Variants in STAG1 observed in about 807,000 individuals in gnomAD.
STAG1 encodes cohesin subunit SA-1.
In STAG1, 26 loss-of-function variants were observed where a neutral mutation model predicts 170.9. The ratio of observed to expected loss-of-function variants is 0.15; its 90% CI spans 0.11 to 0.21. The LOEUF (loss-of-function observed/expected upper bound fraction) is 0.21, where lower values mean the gene tolerates loss of function less well. STAG1 is among the 10% of genes least tolerant of loss of function. The pLI is 1.00. For missense variants in STAG1, 964 were observed against 1,509.5 expected (o/e 0.64, Z 5.99); for synonymous variants, 514 against 497.7 (o/e 1.03, Z -0.44).
chr3:136,550,094 C>CT (rs1232626234), intron 5 of STAG1, among the ~76,000 whole-genome samples: 3 of 151,740 alleles, frequency 2.0e-5, no homozygotes, highest in Non-Finnish European at 2.9e-5. Flanking sequence ...TTCGTGGTAT[C>CT]TTTTTTTTGT....
intron 4 of STAG1, among the ~76,000 whole-genome samples, chr3:136,569,584 GC>G (rs1365954404): frequency 1.3e-5 from 2 of 151,958 alleles, no homozygotes; most frequent in African/African-American, 2.4e-5. Flanking sequence ...TTTAGTTAAT[GC>G]AAAAGTTAGC....
At chr3:136,528,906 T>A (rs1070230) in intron 6 of STAG1, among the ~76,000 whole-genome samples, 1 of 151,608 alleles carries the variant, frequency 6.6e-6, no homozygotes, top group East Asian at 1.9e-4. Flanking sequence ...CTCCAGTCTG[T>A]GTGACAAAGC....
chr3:136,705,551 G>C (rs2107913234), intron 1 of STAG1, among the ~76,000 whole-genome samples: 1 of 152,180 alleles, frequency 6.6e-6, no homozygotes, highest in South Asian at 2.1e-4. Flanking sequence ...AGGAAAGATG[G>C]GAGGTAATTG....
intron 4 of STAG1, among the ~76,000 whole-genome samples, chr3:136,574,806 T>C (rs189733928): frequency 3.2e-4 from 49 of 152,268 alleles, no homozygotes; most frequent in African/African-American, 1.1e-3. Flanking sequence ...AAGATAGGGA[T>C]AAAATTACTA....
chr3:136,733,081 TAAC>T (rs373920551), intron 1 of STAG1, among the ~76,000 whole-genome samples: 12 of 147,646 alleles, frequency 8.1e-5, no homozygotes, highest in African/African-American at 2.8e-4. Context: ...GGTTAAAACC[TAAC>T]TTTTTTTTTT....
At chr3:136,751,572 A>C (rs1485986361) in intron 1 of STAG1, among the ~76,000 whole-genome samples, 1 of 152,074 alleles carries the variant, frequency 6.6e-6, no homozygotes, top group East Asian at 1.9e-4. Context: ...AAAGCCCAGC[A>C]TTGATGCATC....
At chr3:136,446,222 A>G (rs2088773072) in intron 14 of STAG1, among the ~76,000 whole-genome samples, 1 of 152,172 alleles carries the variant, frequency 6.6e-6, no homozygotes, top group Non-Finnish European at 1.5e-5. Context: ...CATAGTTTTT[A>G]GGTTTAGCGC....
At chr3:136,750,017 A>C (rs768336360) in intron 1 of STAG1, among the ~76,000 whole-genome samples, 3 of 152,076 alleles carry the variant, frequency 2.0e-5, no homozygotes, top group Non-Finnish European at 4.4e-5. Flanking sequence ...CCCAGAGTAC[A>C]TTATTTCTTC....
intron 1 of STAG1, among the ~76,000 whole-genome samples, chr3:136,704,706 G>A (rs573157306): frequency 1.3e-5 from 2 of 150,426 alleles, no homozygotes; most frequent in South Asian, 4.3e-4. Context: ...GCATGCATCT[G>A]TAGTCCCAAC....
chr3:136,563,954 C>T (rs1467376857), intron 5 of STAG1, among the ~76,000 whole-genome samples: 2 of 151,818 alleles, frequency 1.3e-5, no homozygotes, highest in East Asian at 3.9e-4. Context: ...ACCCAGGCGG[C>T]GGAGGTTGCA....
At chr3:136,658,485 T>G (rs534597762) in intron 1 of STAG1, among the ~76,000 whole-genome samples, 1 of 152,016 alleles carries the variant, frequency 6.6e-6, no homozygotes, top group East Asian at 1.9e-4. Flanking sequence ...CAAATATAAC[T>G]ATACACCAGC....
intron 21 of STAG1, among the ~76,000 whole-genome samples, chr3:136,413,796 G>C (rs1463364857): frequency 6.6e-6 from 1 of 152,008 alleles, no homozygotes; most frequent in Non-Finnish European, 1.5e-5. Context: ...GGTTAAAACA[G>C]TACTGATATG....
At chr3:136,391,696 T>C (rs1371478618) in intron 22 of STAG1, among the ~76,000 whole-genome samples, 2 of 152,230 alleles carry the variant, frequency 1.3e-5, no homozygotes, top group Non-Finnish European at 2.9e-5. Flanking sequence ...TAACTCTTAT[T>C]TGCCTGGCTC....
chr3:136,717,257 G>C (rs1278701581), intron 1 of STAG1, among the ~76,000 whole-genome samples: 1 of 152,176 alleles, frequency 6.6e-6, no homozygotes, highest in Non-Finnish European at 1.5e-5. Context: ...GCTCAAAAAA[G>C]CAGAGCTGCC....
chr3:136,619,776 A>C (rs9844001), intron 3 of STAG1, among the ~76,000 whole-genome samples: 192 of 151,084 alleles, frequency 1.3e-3, no homozygotes, highest in Admixed American at 2.4e-3. Flanking sequence ...AAAAAAAAAA[A>C]AAAGGAGAGG....
intron 3 of STAG1, among the ~76,000 whole-genome samples, chr3:136,616,915 AT>A (rs1284070967): frequency 1.3e-5 from 2 of 152,240 alleles, no homozygotes; most frequent in Non-Finnish European, 2.9e-5. Context: ...CCACTTAAAA[AT>A]TAGAAAAGAC....
At chr3:136,352,006 G>C (rs1468832568) in intron 28 of STAG1, among the ~76,000 whole-genome samples, 1 of 152,028 alleles carries the variant, frequency 6.6e-6, no homozygotes, top group East Asian at 1.9e-4. Context: ...GGCTGCACAA[G>C]GCAGAGAAAA....
At chr3:136,734,063 T>C (rs1934195926) in intron 1 of STAG1, among the ~76,000 whole-genome samples, 1 of 147,592 alleles carries the variant, frequency 6.8e-6, no homozygotes, top group South Asian at 2.2e-4. Flanking sequence ...GCCAAGATTG[T>C]GCCACTGCAC....
intron 5 of STAG1, among the ~76,000 whole-genome samples, chr3:136,553,957 A>G (rs1483349682): frequency 6.6e-6 from 1 of 152,218 alleles, no homozygotes; most frequent in Non-Finnish European, 1.5e-5. Flanking sequence ...TGGTGCAACT[A>G]AAAGACAGAC....
Sources: gnomAD v4.1 joint callset for allele counts (sites outside exome capture counted in the v4.1 genomes callset) on GRCh38, gnomAD v4.1.1 for gene constraint, MANE v1.5 for transcripts, NCBI Gene and HGNC (gene_info 2026-07-23, HGNC 2026-07-21) for gene names.